Variants in SMURF2 observed in about 807,000 individuals in gnomAD.
The protein encoded by SMURF2 is SMAD specific E3 ubiquitin protein ligase 2.
SMURF2 carries 48 observed loss-of-function variants against 109.6 expected under a neutral mutation model. The observed-to-expected ratio is 0.44, with a 90% CI of 0.35 to 0.56. The LOEUF is 0.56. Ranked by LOEUF, SMURF2 falls within the 20% of genes least tolerant of loss-of-function variation. The pLI is 0.01. For missense variants in SMURF2, 575 were observed against 909.0 expected (o/e 0.63, Z 4.72); for synonymous variants, 288 against 317.1 (o/e 0.91, Z 0.97).
chr17:64,583,320 C>T, intron 7 of SMURF2, 141 bp downstream of exon 7: 1 of 655,140 alleles, frequency 1.5e-6, no homozygotes, highest in East Asian at 2.7e-5. Context: ...TAAAAAATAA[C>T]AATGGCACCT....
chr17:64,549,196 C>T (rs1304529114), intron 16 of SMURF2, among the ~76,000 whole-genome samples: 9 of 144,368 alleles, frequency 6.2e-5, no homozygotes, highest in Non-Finnish European at 1.3e-4. Flanking sequence ...TCGCTTGAAC[C>T]CAGGAAGTAG....
chr17:64,571,502 C>A (rs1969398324), intron 10 of SMURF2, among the ~76,000 whole-genome samples: 1 of 152,080 alleles, frequency 6.6e-6, no homozygotes, highest in African/African-American at 2.4e-5. Context: ...AACTCCTGGG[C>A]TCAGGCGATT....
chr17:64,577,324 T>C (rs1038069563), intron 9 of SMURF2, among the ~76,000 whole-genome samples: 2 of 151,388 alleles, frequency 1.3e-5, no homozygotes, highest in African/African-American at 2.4e-5. Context: ...AAACACTGCA[T>C]GTTCTCACTC....
At chr17:64,645,287 G>C (rs192794814) in intron 1 of SMURF2, among the ~76,000 whole-genome samples, 5 of 152,274 alleles carry the variant, frequency 3.3e-5, no homozygotes, top group African/African-American at 1.2e-4. Context: ...AAAATTCAGA[G>C]GAAGAAAAGA....
chr17:64,651,996 A>G (rs1249605649), intron 1 of SMURF2, among the ~76,000 whole-genome samples: 9 of 152,166 alleles, frequency 5.9e-5, no homozygotes, highest in Admixed American at 5.9e-4. Flanking sequence ...TTTCTTTTCT[A>G]TGGTCACATT....
chr17:64,563,065 C>T (rs1235183972), intron 10 of SMURF2, 99 bp from the exon 11 acceptor site: 2 of 1,095,808 alleles, frequency 1.8e-6, no homozygotes, highest in Non-Finnish European at 2.5e-6. Flanking sequence ...AAGTCTAGCT[C>T]TATCATTTTC....
chr17:64,560,740 T>C (rs1220175754), intron 12 of SMURF2: 1 of 150,522 alleles, frequency 6.6e-6, no homozygotes, highest in Non-Finnish European at 1.5e-5. Flanking sequence ...GCAGGCAGAT[T>C]GTTTGAGCTC....
Position 64,542,576 on chromosome 17 carries a change from T to C in SMURF2, c.*3272A>G, listed in dbSNP as rs1258940117. ...TAAAACAACTCAGCATTTGGAACAATCATCCTAACATGTTAAATACCACAA... is the reference window on the plus strand; with the variant it reads ...TAAAACAACTCAGCATTTGGAACAACCATCCTAACATGTTAAATACCACAA... On this transcript the variant is annotated 3_prime_UTR_variant, in exon 19 of 19. Coordinates refer to ENST00000262435, the MANE Select transcript of SMURF2 (RefSeq NM_022739.4). 3.3e-5 allele frequency: 5 copies of C among 152,050 alleles called. No individual in the cohort carries two copies. The highest frequency in any genetic ancestry group is 7.4e-5 in the Non-Finnish European group (5 of 68,022). 9.4% of individuals were successfully genotyped at this position (152,050 alleles called of 1,614,324 possible).
intron 1 of SMURF2, among the ~76,000 whole-genome samples, chr17:64,621,199 A>G (rs544045990): frequency 6.6e-6 from 1 of 152,360 alleles, no homozygotes; most frequent in Non-Finnish European, 1.5e-5. Flanking sequence ...CTAAGAAAAC[A>G]AAGTGCAAAG....
chr17:64,566,561 GTTTTTTTTTTTTTTTTTTTTTT>G lies in SMURF2; in HGVS notation c.1017-3617_1017-3596del, dbSNP rs1164717270. Among the ~76,000 whole-genome samples, 119 of 43,806 alleles carry G rather than the reference GTTTTTTTTTTTTTTTTTTTTTT, an allele frequency of 2.7e-3. 7 individuals are homozygous for G. The Middle Eastern group carries it at 0.091, about 33-fold the overall frequency. The allele number at this position is 43,806 out of a possible 152,430, so 28.7% of individuals were successfully genotyped here. On this transcript the variant is annotated intron_variant, in intron 10 of 18. Transcript: ENST00000262435. ...GATGTAGAAATGCTTAAGCTTTCTG[GTTTTTTTTTTTTTTTTTTTTTT>G]TTTTTTTTGAGACAGTCTCGCTGTG...
chr17:64,568,660 T>C (rs1969350731), intron 10 of SMURF2, among the ~76,000 whole-genome samples: 1 of 152,174 alleles, frequency 6.6e-6, no homozygotes, highest in Admixed American at 6.5e-5. Context: ...ACATCTTTTA[T>C]TCCTTATCAT....
At chr17:64,593,338 G>T in intron 4 of SMURF2, 102 bp downstream of exon 4, 1 of 924,688 alleles carries the variant, frequency 1.1e-6, no homozygotes. Context: ...ATATATATTT[G>T]AGGATACATA....
chr17:64,616,923 GA>G (rs1281737341), intron 1 of SMURF2, among the ~76,000 whole-genome samples: 8 of 147,724 alleles, frequency 5.4e-5, no homozygotes, highest in African/African-American at 1.7e-4. Flanking sequence ...TACAAAAAAA[GA>G]AAAAAAAATA....
At chr17:64,550,266 C>T (rs892976385) in intron 16 of SMURF2, among the ~76,000 whole-genome samples, 5 of 152,144 alleles carry the variant, frequency 3.3e-5, no homozygotes, top group African/African-American at 1.2e-4. Flanking sequence ...TGAATAAAAT[C>T]ATGTTTCAAA....
At position 64,635,266 on chromosome 17, in the gene SMURF2, G is replaced by A. The variant is rs556229972; in HGVS notation, c.52+26563C>T. 2.4e-4 allele frequency among the ~76,000 whole-genome samples: 36 copies of A among 152,220 alleles called. No homozygotes were observed. The South Asian group carries it at 6.8e-3, about 29-fold the overall frequency. ...TGCTTGAACCAGGGAGGTGGAGGTTGCGGTGAGCCGAGATCACACCACTGC... is the reference window on the plus strand; with the variant it reads ...TGCTTGAACCAGGGAGGTGGAGGTTACGGTGAGCCGAGATCACACCACTGC... On this transcript the variant is annotated intron_variant, in intron 1 of 18. Transcript: ENST00000262435.
At chr17:64,572,770 G>T (rs1251354920) in intron 9 of SMURF2, 1 of 152,192 alleles carries the variant, frequency 6.6e-6, no homozygotes, top group African/African-American at 2.4e-5. Context: ...TGTGTCCTAA[G>T]CATTGCTTCC....
chr17:64,651,461 A>G (rs1970639238), intron 1 of SMURF2, among the ~76,000 whole-genome samples: 1 of 149,386 alleles, frequency 6.7e-6, no homozygotes, highest in Non-Finnish European at 1.5e-5. Context: ...AGTCCCAGCT[A>G]CTCCAGAGGC....
intron 7 of SMURF2, 130 bp downstream of exon 7, chr17:64,583,331 G>A: frequency 7.2e-6 from 5 of 693,448 alleles, no homozygotes; most frequent in Non-Finnish European, 1.3e-5. Flanking sequence ...AATGGCACCT[G>A]TTATAAGATC....
chr17:64,654,051 G>A (rs1970673990), intron 1 of SMURF2, among the ~76,000 whole-genome samples: 2 of 152,118 alleles, frequency 1.3e-5, no homozygotes, highest in Admixed American at 1.3e-4. Context: ...ACAGATCAGT[G>A]GTTGACAAGT....
Sources: gnomAD v4.1 joint callset for allele counts (sites outside exome capture counted in the v4.1 genomes callset) on GRCh38, gnomAD v4.1.1 for gene constraint, MANE v1.5 for transcripts, NCBI Gene and HGNC (gene_info 2026-07-23, HGNC 2026-07-21) for gene names.